SMG1: variants seen among roughly 807,000 people sequenced by gnomAD.
The protein encoded by SMG1 is serine/threonine-protein kinase SMG1.
SMG1 carries 22 observed loss-of-function variants against 419.9 expected under a neutral mutation model. The observed-to-expected ratio is 0.05, with a 90% CI of 0.04 to 0.07. SMG1 has a LOEUF of 0.07. SMG1 is among the 10% of genes least tolerant of loss of function. The pLI, the probability that SMG1 is intolerant of heterozygous loss-of-function variation, is 1.00. For missense variants in SMG1, 3,185 were observed against 4,342.0 expected, an observed-to-expected ratio of 0.73 and a Z score of 7.49; for synonymous variants, 1,538 against 1,553.5, an observed-to-expected ratio of 0.99 and a Z score of 0.23.
intron 11 of SMG1, chr16:18,877,456 C>T (rs1040045459): frequency 1.3e-5 from 5 of 391,816 alleles, no homozygotes; most frequent in South Asian, 3.3e-5. Context: ...GGAGAGGGAA[C>T]GAGGAAGGAG....
At chr16:18,916,922 C>T (rs1776929536) in intron 1 of SMG1, among the ~76,000 whole-genome samples, 1 of 151,994 alleles carries the variant, frequency 6.6e-6, no homozygotes, top group Non-Finnish European at 1.5e-5. Context: ...GCAGAAAATC[C>T]TAAAGAATTG....
chr16:18,924,225 A>G (rs2038304227), intron 1 of SMG1, among the ~76,000 whole-genome samples: 1 of 152,172 alleles, frequency 6.6e-6, no homozygotes, highest in African/African-American at 2.4e-5. Flanking sequence ...AACATGGATA[A>G]TATTTATTAA....
intron 30 of SMG1, 97 bp downstream of exon 30, chr16:18,854,559 A>T (rs1326489630): frequency 1.7e-6 from 2 of 1,152,880 alleles, no homozygotes; most frequent in African/African-American, 3.1e-5. Context: ...GAAATGATCA[A>T]CTTTGCTATT....
In SMG1 at chr16:18,809,425, T is replaced by G. The variant is rs1260238498; in HGVS notation, c.*144A>C. On this transcript the variant is annotated 3_prime_UTR_variant, in exon 63 of 63. Coordinates refer to ENST00000446231, the MANE Select transcript of SMG1 (RefSeq NM_015092.5). ...CTGTCCTGCGGGATTCACTTCCTAG[T>G]GCACCGAGATTTCCTAGGTTTCCTC... The G allele has an allele frequency of 1.5e-6, 1 of 663,542 alleles. No individual in the cohort carries two copies. The highest frequency in any genetic ancestry group is 2.4e-5 in the Admixed American group (1 of 42,528). 41.1% of individuals were successfully genotyped at this position (663,542 alleles called of 1,614,324 possible).
chr16:18,888,198 T>C (rs916178505), intron 6 of SMG1, among the ~76,000 whole-genome samples: 8 of 148,544 alleles, frequency 5.4e-5, no homozygotes, highest in African/African-American at 2.0e-4. Context: ...AATGATGTTC[T>C]AATATATTCA....
chr16:18,827,720 G>A (rs1003017207), intron 55 of SMG1, among the ~76,000 whole-genome samples: 1 of 136,850 alleles, frequency 7.3e-6, no homozygotes. Context: ...TATATATTTG[G>A]TATAAATATA....
rs761400093 is a variant in SMG1, at chr16:18,808,106, T to C, written c.*1463A>G. ...TGTTCTATTTTGTATTGATACTTGA[T>C]TTTAAGAACCCTATTCTAGTCTGGG... On this transcript the variant is annotated 3_prime_UTR_variant, in exon 63 of 63. Coordinates refer to ENST00000446231, the MANE Select transcript of SMG1 (RefSeq NM_015092.5). The C allele has an allele frequency of 3.3e-5, 5 of 152,214 alleles. No homozygotes were observed. The highest frequency in any genetic ancestry group is 7.3e-5 in the Non-Finnish European group (5 of 68,046). 9.4% of individuals were successfully genotyped at this position (152,214 alleles called of 1,614,324 possible).
At chr16:18,861,941 T>C (rs71382572) in intron 25 of SMG1, among the ~76,000 whole-genome samples, 43,575 of 151,994 alleles carry the variant, frequency 0.29, 7,486 homozygotes, top group Non-Finnish European at 0.38. Flanking sequence ...ATGTTCTTTC[T>C]CCTGTTTCTT....
intron 6 of SMG1, among the ~76,000 whole-genome samples, 183 bp from the exon 7 acceptor site, chr16:18,885,849 G>A (rs1424535568): frequency 6.6e-6 from 1 of 151,798 alleles, no homozygotes; most frequent in East Asian, 1.9e-4. Flanking sequence ...GGGAGGCTGA[G>A]ACACAAGAAT....
chr16:18,879,608 G>A lies in SMG1; in HGVS notation c.1405C>T (p.Pro469Ser), dbSNP rs948462061. 8 of 1,410,464 alleles carry A rather than the reference G, an allele frequency of 5.7e-6. No individual in the cohort carries two copies. The highest frequency in any genetic ancestry group is 5.8e-6 in the Non-Finnish European group (6 of 1,028,850). 87.4% of individuals were successfully genotyped at this position (1,410,464 alleles called of 1,614,324 possible). A position where few individuals can be genotyped will look rare whatever the true frequency, so the allele number is the denominator to read the frequency against. ...ATGTCACAATGTATAGTCATGCTAGGATCCAAGCTGCCGAGCAAAACACCA... is the reference window on the plus strand; with the variant it reads ...ATGTCACAATGTATAGTCATGCTAGAATCCAAGCTGCCGAGCAAAACACCA... ...CVGVLLGSLDPSMTIHCDMVI... is the reference protein window; with the variant it reads ...CVGVLLGSLDSSMTIHCDMVI... The change falls in exon 11 of 63, where the codon CCT (proline) becomes TCT (serine). Residue 469 changes from proline to serine, a missense_variant. Around this residue, in one of 27 missense-constraint regions of SMG1, gnomAD observed 297 missense variants for 491.0 expected, o/e 0.60. Coordinates refer to ENST00000446231, the MANE Select transcript of SMG1 (RefSeq NM_015092.5).
chr16:18,852,561 T>G, intron 31 of SMG1, 99 bp from the exon 32 acceptor site: 1 of 1,078,970 alleles, frequency 9.3e-7, no homozygotes, highest in Non-Finnish European at 1.3e-6. Context: ...TAGGTTTTTA[T>G]CTGCAAGCAA....
At chr16:18,855,660 C>G (rs2034858025) in intron 29 of SMG1, among the ~76,000 whole-genome samples, 1 of 152,120 alleles carries the variant, frequency 6.6e-6, no homozygotes, top group East Asian at 1.9e-4. Flanking sequence ...GCCACCATCA[C>G]AGACTTTACT....
chr16:18,896,022 T>TA (rs765380179), intron 3 of SMG1, 30 bp downstream of exon 3: 2 of 1,606,286 alleles, frequency 1.2e-6, no homozygotes, highest in Admixed American at 3.3e-5. Flanking sequence ...GGAAGGTGTA[T>TA]GTGATTGGTC....
intron 1 of SMG1, among the ~76,000 whole-genome samples, chr16:18,901,825 T>C (rs1303900227): frequency 1.3e-5 from 2 of 151,638 alleles, no homozygotes; most frequent in Non-Finnish European, 2.9e-5. Flanking sequence ...AATACAAAAA[T>C]TAGCCAGGCA....
At chr16:18,845,716 C>A in intron 38 of SMG1, 65 bp from the exon 39 acceptor site, 1 of 1,184,140 alleles carries the variant, frequency 8.4e-7, no homozygotes, top group Non-Finnish European at 1.2e-6. Flanking sequence ...CACAAACATG[C>A]AACAATTTCA....
chr16:18,916,007 T>A (rs2037956748), intron 1 of SMG1, among the ~76,000 whole-genome samples: 1 of 136,332 alleles, frequency 7.3e-6, no homozygotes. Flanking sequence ...AGGCAGAGGT[T>A]GCAGTGAGCC....
chr16:18,906,947 G>C (rs1325488850), intron 1 of SMG1, among the ~76,000 whole-genome samples: 1 of 152,220 alleles, frequency 6.6e-6, no homozygotes, highest in Non-Finnish European at 1.5e-5. Context: ...CCTGCACACA[G>C]GTGCCCTGCT....
intron 7 of SMG1, 89 bp downstream of exon 7, chr16:18,885,452 G>C: frequency 6.7e-7 from 1 of 1,483,006 alleles, no homozygotes; most frequent in Non-Finnish European, 9.3e-7. Flanking sequence ...AAGGAGCTGA[G>C]GCATTGTTTT....
Position 18,835,957 on chromosome 16 carries a change from T to G in SMG1, c.8033A>C (p.Glu2678Ala). 1 of 1,552,926 alleles carries G rather than the reference T, an allele frequency of 6.4e-7. No individual in the cohort carries two copies. Residue 2678 changes from glutamate to alanine, a missense_variant, in exon 48 of 63, where the codon GAG (glutamate) becomes GCG (alanine). Transcript: ENST00000446231. ...CTTCCTATAGAGCTCTTGACAACGC[T>G]CTACTGTGGTGTTACAGATGAGCTC... ...MEELICNTTV[E>A]RCQELYRKYE...
Sources: allele counts gnomAD v4.1 joint callset (sites outside exome capture counted in the v4.1 genomes callset), GRCh38; gene constraint gnomAD v4.1.1; regional missense constraint gnomAD v4.1.1; transcripts MANE v1.5; gene names NCBI Gene and HGNC (gene_info 2026-07-23, HGNC 2026-07-21).